The following ERI1 variants were observed in gnomAD, a reference collection of about 807,000 sequenced individuals.
The protein encoded by ERI1 is exoribonuclease 1, also known as 3'-5' exoribonuclease 1.
ERI1 carries 39 observed loss-of-function variants against 39.7 expected under a neutral mutation model. That is an observed-to-expected ratio of 0.98 (90% confidence interval 0.76 to 1.28). The LOEUF is 1.28. Among genes scored for constraint, ERI1 ranks in the 50% most tolerant of loss-of-function variants. The pLI, the probability that ERI1 is intolerant of heterozygous loss-of-function variation, is 0.00. For synonymous variants in ERI1, 204 were observed against 149.6 expected (o/e 1.36, Z -2.65); for missense variants, 581 against 416.9 (o/e 1.39, Z -3.43).
chr8:9,067,415 TGTGTGC>T (rs1798914837), intron 3 of ERI1, among the ~76,000 whole-genome samples: 1 of 148,146 alleles, frequency 6.8e-6, no homozygotes, highest in South Asian at 2.2e-4. Context: ...TGTGTGTGTG[TGTGTGC>T]AATATCAATA....
intron 2 of ERI1, among the ~76,000 whole-genome samples, chr8:9,008,505 C>G (rs1213359013): frequency 6.6e-6 from 1 of 152,018 alleles, no homozygotes; most frequent in South Asian, 2.1e-4. Context: ...CCATTTGTAT[C>G]TTTTATAAAA....
At chr8:9,047,692 C>T (rs1798218339) in intron 3 of ERI1, among the ~76,000 whole-genome samples, 1 of 150,806 alleles carries the variant, frequency 6.6e-6, no homozygotes. Context: ...GAGAGAGACC[C>T]TGTCTCTTAA....
intron 3 of ERI1, among the ~76,000 whole-genome samples, chr8:9,056,747 T>A (rs1416337998): frequency 6.6e-6 from 1 of 152,242 alleles, no homozygotes; most frequent in Non-Finnish European, 1.5e-5. Flanking sequence ...GATAAATACT[T>A]CCCTGATTAC....
Position 9,049,862 on chromosome 8 carries a change from G to A in ERI1, n.299+29398G>A, listed in dbSNP as rs1798301869. 2 of 152,282 alleles carry A rather than the reference G, an allele frequency of 1.3e-5. 1 individual carries two copies. The highest frequency in any genetic ancestry group is 4.1e-4 in the South Asian group (2 of 4,826). 9.4% of individuals were successfully genotyped at this position (152,282 alleles called of 1,614,324 possible). A position where few individuals can be genotyped will look rare whatever the true frequency, so the allele number is the denominator to read the frequency against. ...TTCAGAGGCCGCAGGTGAGGAGAGA[G>A]GGACAGTGGACAGCAATGCCCAGAG... On this transcript the variant is annotated intron_variant and non_coding_transcript_variant, in intron 3 of 3. Coordinates refer to the ERI1 transcript ENST00000518663.
At chr8:9,085,713 A>G (rs187524667) in intron 3 of ERI1, among the ~76,000 whole-genome samples, 1 of 152,146 alleles carries the variant, frequency 6.6e-6, no homozygotes, top group Non-Finnish European at 1.5e-5. Flanking sequence ...ACTCTAAGTG[A>G]TGAGACAGTA....
chr8:9,065,511 T>A (rs1798843719), intron 3 of ERI1, among the ~76,000 whole-genome samples: 1 of 151,724 alleles, frequency 6.6e-6, no homozygotes, highest in South Asian at 2.1e-4. Context: ...TTGGCTAACG[T>A]GGTGAAACGC....
intron 3 of ERI1, among the ~76,000 whole-genome samples, chr8:9,094,524 T>C (rs1799813599): frequency 6.6e-6 from 1 of 152,238 alleles, no homozygotes; most frequent in Non-Finnish European, 1.5e-5. Flanking sequence ...AGATTGGCTC[T>C]GTTCCCTCTC....
chr8:9,058,192 C>A (rs1323455893), intron 3 of ERI1, among the ~76,000 whole-genome samples: 1 of 152,164 alleles, frequency 6.6e-6, no homozygotes, highest in African/African-American at 2.4e-5. Flanking sequence ...AGAGCCCTCA[C>A]GTGGCCCTGG....
At chr8:9,068,758 G>C (rs1414282871) in intron 3 of ERI1, among the ~76,000 whole-genome samples, 2 of 152,070 alleles carry the variant, frequency 1.3e-5, no homozygotes, top group African/African-American at 4.8e-5. Flanking sequence ...GGCTTGTGTT[G>C]TTCACCTGCG....
intron 5 of ERI1, among the ~76,000 whole-genome samples, chr8:9,019,985 A>G (rs1817711509): frequency 6.6e-6 from 1 of 152,006 alleles, no homozygotes; most frequent in Non-Finnish European, 1.5e-5. Flanking sequence ...TGTTTCTTTC[A>G]TTTTTTTGTT....
At position 9,030,718 on chromosome 8, in the gene ERI1, C is replaced by A. The variant is rs115094386; in HGVS notation, c.*684C>A. 6.6e-6 allele frequency: 1 copy of A among 152,174 alleles called. No homozygotes were observed. Among genetic ancestry groups the A allele is most frequent in the East Asian group, 1.9e-4 (1 of 5,196 alleles). The allele number at this position is 152,174 out of a possible 1,614,324, so 9.4% of individuals were successfully genotyped here. A position where few individuals can be genotyped will look rare whatever the true frequency, so the allele number is the denominator to read the frequency against. On this transcript the variant is annotated 3_prime_UTR_variant, in exon 7 of 7. Transcript: ENST00000250263. ...GGGCTGTAGCTCAAACTTCATAATA[C>A]ATAAATCACTGGGGTCTTTTTGGAT...
At chr8:9,092,989 A>C (rs1272657093) in intron 3 of ERI1, among the ~76,000 whole-genome samples, 1 of 152,132 alleles carries the variant, frequency 6.6e-6, no homozygotes, top group Non-Finnish European at 1.5e-5. Flanking sequence ...CATCACTCTA[A>C]TGGTTGCCTT....
intron 3 of ERI1, among the ~76,000 whole-genome samples, chr8:9,063,104 T>G (rs1185436668): frequency 6.6e-6 from 1 of 152,122 alleles, no homozygotes; most frequent in African/African-American, 2.4e-5. Flanking sequence ...TGTTGTGGGG[T>G]TTGAGGGACG....
At chr8:9,066,270 C>A (rs983358335) in intron 3 of ERI1, among the ~76,000 whole-genome samples, 1 of 152,212 alleles carries the variant, frequency 6.6e-6, no homozygotes. Flanking sequence ...TCCCCTTTCT[C>A]CACCTGCACA....
At chr8:9,046,730 AG>A (rs1473406615) in intron 3 of ERI1, among the ~76,000 whole-genome samples, 1 of 152,258 alleles carries the variant, frequency 6.6e-6, no homozygotes, top group Non-Finnish European at 1.5e-5. Context: ...CTTGGTACAA[AG>A]AACATCCCCT....
At chr8:9,022,247 G>C (rs530331043) in intron 6 of ERI1, among the ~76,000 whole-genome samples, 4 of 151,988 alleles carry the variant, frequency 2.6e-5, no homozygotes, top group African/African-American at 9.7e-5. Flanking sequence ...TTGCTTTTTT[G>C]CGAACCCCTT....
intron 3 of ERI1, among the ~76,000 whole-genome samples, chr8:9,060,706 G>A (rs34854114): frequency 0.14 from 21,405 of 152,190 alleles, 1,658 homozygotes; most frequent in African/African-American, 0.17. Flanking sequence ...GTTTCAGCGG[G>A]GGAGTAGGTG....
Position 9,032,262 on chromosome 8 carries a change from CTAT to C in ERI1, c.*2233_*2235del, listed in dbSNP as rs977748738. ...TCCATGAAAACAATATTAGTATATT[CTAT>C]TATTGTTTCTTATTAATAGTTACTT... On this transcript the variant is annotated 3_prime_UTR_variant, in exon 7 of 7. Transcript: ENST00000250263. 2 of 152,052 alleles carry C rather than the reference CTAT, an allele frequency of 1.3e-5. No individual in the cohort carries two copies. Among genetic ancestry groups the C allele is most frequent in the South Asian group, 2.1e-4 (1 of 4,818 alleles). The allele number at this position is 152,052 out of a possible 1,614,324, so 9.4% of individuals were successfully genotyped here.
intron 3 of ERI1, among the ~76,000 whole-genome samples, chr8:9,043,032 T>C (rs913193359): frequency 6.6e-6 from 1 of 152,260 alleles, no homozygotes; most frequent in African/African-American, 2.4e-5. Flanking sequence ...TTTCTGCTGT[T>C]GGAATAGATT....
Sources: gnomAD v4.1 joint callset for allele counts (sites outside exome capture counted in the v4.1 genomes callset) on GRCh38, gnomAD v4.1.1 for gene constraint, MANE v1.5 for transcripts, NCBI Gene and HGNC (gene_info 2026-07-23, HGNC 2026-07-21) for gene names.